The following ERAP1 variants were observed in gnomAD, a reference collection of about 807,000 sequenced individuals.
The protein encoded by ERAP1 is adipocyte-derived leucine aminopeptidase.
ERAP1 carries 86 observed loss-of-function variants against 103.7 expected under a neutral mutation model. The ratio of observed to expected loss-of-function variants is 0.83; its 90% CI spans 0.70 to 0.99. ERAP1 has a LOEUF of 0.99. ERAP1 is among the 50% of genes least tolerant of loss of function. ERAP1 has a pLI of 0.00. For missense variants in ERAP1, 1,009 were observed against 1,128.4 expected, an observed-to-expected ratio of 0.89 and a Z score of 1.52; for synonymous variants, 398 against 402.4, an observed-to-expected ratio of 0.99 and a Z score of 0.13.
In ERAP1 at chr5:96,797,239, T is replaced by C; in HGVS notation, c.734A>G (p.Tyr245Cys). 6.2e-7 allele frequency: 1 copy of C among 1,614,190 alleles called. No homozygotes were observed. Among genetic ancestry groups the C allele is most frequent in the Non-Finnish European group, 8.5e-7 (1 of 1,180,020 alleles). ...ATCTGAAATGATGAAGGCCACCAGA[T>C]AGGTGCTCATCTTCACAGTGACATC... Reference protein sequence around the residue: ...HFDVTVKMSTYLVAFIISDFE... With the variant: ...HFDVTVKMSTCLVAFIISDFE... The change falls in exon 4 of 19, where the codon TAT becomes TGT. Residue 245 changes from tyrosine to cysteine, a missense_variant. Around this residue, in one of 3 missense-constraint regions of ERAP1, gnomAD observed 392 missense variants for 455.2 expected, o/e 0.86. Transcript: ENST00000443439.
At chr5:96,900,272 C>T in the ERAP1 span, 111 of 1,515,646 alleles carry the variant, frequency 7.3e-5, no homozygotes, top group Non-Finnish European at 9.0e-5. Context: ...GAGTAGCCCA[C>T]CTGTCCCTTT....
the ERAP1 span, among the ~76,000 whole-genome samples, chr5:96,927,555 C>T: frequency 1.3e-5 from 2 of 152,148 alleles, no homozygotes; most frequent in Non-Finnish European, 1.5e-5. Flanking sequence ...GGCGCAATCT[C>T]GGCTCACTGC....
chr5:96,806,836 A>T (rs1778661201), intron 1 of ERAP1, among the ~76,000 whole-genome samples: 1 of 137,638 alleles, frequency 7.3e-6, no homozygotes. Context: ...AATAATAAAA[A>T]TGCTGGATTA....
downstream of ERAP1, chr5:96,771,521 T>C: frequency 1.5e-6 from 1 of 646,576 alleles, no homozygotes; most frequent in East Asian, 2.8e-5. Flanking sequence ...GAAGAGAAAC[T>C]GAAAGGACCA....
the ERAP1 span, among the ~76,000 whole-genome samples, chr5:96,861,601 T>C: frequency 3.9e-5 from 6 of 152,224 alleles, no homozygotes; most frequent in Non-Finnish European, 7.4e-5. Flanking sequence ...TCAGTAATAA[T>C]AAGCACTAAT....
chr5:96,812,639 C>A (rs1338679174), upstream of ERAP1, among the ~76,000 whole-genome samples: 1 of 152,126 alleles, frequency 6.6e-6, no homozygotes, highest in Non-Finnish European at 1.5e-5. Context: ...GTTGCAATAA[C>A]TAAACATGGG....
At chr5:96,792,253 A>T in intron 7 of ERAP1, 61 bp from the exon 8 acceptor site, 1 of 1,561,320 alleles carries the variant, frequency 6.4e-7, no homozygotes. Flanking sequence ...AAAATGTCAA[A>T]GGTGGGACAT....
the ERAP1 span, among the ~76,000 whole-genome samples, chr5:96,854,989 T>C: frequency 6.6e-6 from 1 of 151,930 alleles, no homozygotes; most frequent in Admixed American, 6.6e-5. Flanking sequence ...AACCACTAAA[T>C]AAGTCACATT....
the ERAP1 span, among the ~76,000 whole-genome samples, chr5:96,931,053 G>A: frequency 4.6e-4 from 70 of 152,258 alleles, no homozygotes; most frequent in African/African-American, 1.7e-3. Context: ...CTTGAGTAAT[G>A]GGCAGCCAGA....
intron 1 of ERAP1, among the ~76,000 whole-genome samples, chr5:96,805,174 G>A (rs1173488248): frequency 6.6e-6 from 1 of 151,884 alleles, no homozygotes; most frequent in African/African-American, 2.4e-5. Context: ...ACAGTACATG[G>A]AATTCTCCCT....
chr5:96,792,881 A>G (rs1330864381), intron 7 of ERAP1, among the ~76,000 whole-genome samples: 1 of 152,222 alleles, frequency 6.6e-6, no homozygotes, highest in Non-Finnish European at 1.5e-5. Context: ...CATAAGTTTA[A>G]TTTTGCTATA....
the ERAP1 span, among the ~76,000 whole-genome samples, chr5:96,892,019 A>G: frequency 4.6e-5 from 7 of 152,206 alleles, no homozygotes; most frequent in Non-Finnish European, 7.3e-5. Flanking sequence ...AAGGCACCCA[A>G]AATATTTTCA....
At chr5:96,837,261 T>A in the ERAP1 span, among the ~76,000 whole-genome samples, 1 of 152,262 alleles carries the variant, frequency 6.6e-6, no homozygotes, top group Non-Finnish European at 1.5e-5. Context: ...ATAAAACTTT[T>A]AGATATTTGA....
the ERAP1 span, among the ~76,000 whole-genome samples, chr5:96,835,319 G>A: frequency 2.6e-5 from 4 of 152,194 alleles, no homozygotes; most frequent in African/African-American, 9.7e-5. Context: ...GACCTGTCAA[G>A]TTCCTGACAA....
At chr5:96,861,399 A>G in the ERAP1 span, among the ~76,000 whole-genome samples, 8 of 152,316 alleles carry the variant, frequency 5.3e-5, no homozygotes, top group South Asian at 1.7e-3. Context: ...CCTGAGCCCC[A>G]GCGGATCTGA....
At chr5:96,780,792 G>A (rs1775053275) in intron 17 of ERAP1, among the ~76,000 whole-genome samples, 1 of 152,222 alleles carries the variant, frequency 6.6e-6, no homozygotes, top group Non-Finnish European at 1.5e-5. Context: ...GGCCTGGGCT[G>A]AACTGTGAGG....
At chr5:96,932,691 T>C in the ERAP1 span, among the ~76,000 whole-genome samples, 14 of 152,252 alleles carry the variant, frequency 9.2e-5, no homozygotes, top group African/African-American at 3.4e-4. Context: ...TGCTGATCTA[T>C]GGAATACCAA....
In ERAP1 at chr5:96,793,456, A is replaced by T; in HGVS notation, c.1132T>A (p.Phe378Ile). ...GACACAAACTCCATAAATTTGGCAA[A>T]TCCTTCATTTAGCCAAAGATCATTC... is the stretch of plus-strand genomic sequence containing the variant. ...WWNDLWLNEG[F>I]AKFMEFVSVS... The change falls in exon 7 of 19, where the codon TTT (phenylalanine) becomes ATT (isoleucine). Residue 378 changes from phenylalanine (F) to isoleucine (I), a missense_variant. Coordinates refer to ENST00000443439, the MANE Select transcript of ERAP1 (RefSeq NM_001040458.3). 1 of 1,613,944 alleles carries T rather than the reference A, an allele frequency of 6.2e-7. No homozygotes were observed.
chr5:96,812,663 C>T (rs695965), upstream of ERAP1, among the ~76,000 whole-genome samples: 98,743 of 152,124 alleles, frequency 0.65, 32,613 homozygotes, highest in Non-Finnish European at 0.72. Context: ...AATAACTTTT[C>T]AAAACCTTAG....
Sources: gnomAD v4.1 joint callset for allele counts (sites outside exome capture counted in the v4.1 genomes callset) on GRCh38, gnomAD v4.1.1 for gene constraint, gnomAD v4.1.1 regional missense constraint, MANE v1.5 for transcripts, NCBI Gene and HGNC (gene_info 2026-07-23, HGNC 2026-07-21) for gene names.